The following CTNNA3 variants were observed in gnomAD, a reference collection of about 807,000 sequenced individuals.
CTNNA3 encodes the protein catenin alpha-3.
CTNNA3 carries 76 observed loss-of-function variants against 95.7 expected under a neutral mutation model. The ratio of observed to expected loss-of-function variants is 0.79; its 90% CI spans 0.66 to 0.96. The LOEUF is 0.96. CTNNA3 is among the 40% of genes least tolerant of loss of function. The pLI, the probability that CTNNA3 is intolerant of heterozygous loss-of-function variation, is 0.00. For missense variants in CTNNA3, 1,191 were observed against 1,089.8 expected (o/e 1.09, Z -1.31); for synonymous variants, 431 against 374.4 (o/e 1.15, Z -1.74).
intron 10 of CTNNA3, among the ~76,000 whole-genome samples, chr10:66,604,729 T>C (rs1350745160): frequency 1.3e-5 from 2 of 150,788 alleles, no homozygotes; most frequent in Admixed American, 1.3e-4. Context: ...ACAAAGCCAG[T>C]TGGCAGAATT....
intron 4 of CTNNA3, among the ~76,000 whole-genome samples, chr10:67,536,283 G>A (rs1450341941): frequency 6.6e-6 from 1 of 152,044 alleles, no homozygotes; most frequent in African/African-American, 2.4e-5. Flanking sequence ...TTGATTCTGT[G>A]TTGCTCCAGA....
intron 1 of CTNNA3, among the ~76,000 whole-genome samples, chr10:67,763,275 A>T (rs866755993): frequency 1.6e-3 from 27 of 16,854 alleles, no homozygotes; most frequent in Middle Eastern, 0.056. Flanking sequence ...CCAAAATTTA[A>T]AAAAAAAAAA....
intron 6 of CTNNA3, among the ~76,000 whole-genome samples, chr10:67,185,281 CCA>C (rs1214322644): frequency 6.6e-6 from 1 of 152,026 alleles, no homozygotes; most frequent in East Asian, 1.9e-4. Context: ...GTACACGTCA[CCA>C]CATCCAGCTA....
Position 66,445,096 on chromosome 10 carries a change from G to T in CTNNA3, c.1532-65744C>A, listed in dbSNP as rs190344018. Among the ~76,000 whole-genome samples the T allele has an allele frequency of 6.8e-3, 1,038 of 152,144 alleles. 9 individuals carry two copies. Among genetic ancestry groups the T allele is most frequent in the African/African-American group, 0.024 (988 of 41,480 alleles). On this transcript the variant is annotated intron_variant, in intron 11 of 17. Coordinates refer to ENST00000433211, the MANE Select transcript of CTNNA3 (RefSeq NM_013266.4). Reference sequence around the variant, plus strand: ...AAGAAGGCCATTACATAATGGTAAAGGAATCAATTCAACAAGAAGAGCTAA... The same window carrying T: ...AAGAAGGCCATTACATAATGGTAAATGAATCAATTCAACAAGAAGAGCTAA...
At chr10:65,992,854 G>GT (rs1229821901) in intron 15 of CTNNA3, among the ~76,000 whole-genome samples, 3 of 151,980 alleles carry the variant, frequency 2.0e-5, no homozygotes, top group African/African-American at 7.2e-5. Flanking sequence ...AAACTTTCTA[G>GT]TTTTTTATAG....
chr10:67,149,489 G>A (rs1476588956), intron 7 of CTNNA3, among the ~76,000 whole-genome samples: 1 of 152,176 alleles, frequency 6.6e-6, no homozygotes, highest in Non-Finnish European at 1.5e-5. Context: ...GGAGGCTGAG[G>A]CAGGAAAATG....
At chr10:66,681,345 A>G (rs1231844515) in intron 9 of CTNNA3, among the ~76,000 whole-genome samples, 3 of 152,180 alleles carry the variant, frequency 2.0e-5, no homozygotes, top group Non-Finnish European at 2.9e-5. Context: ...TGGCAGCTCA[A>G]AATTCCAACA....
At chr10:66,408,271 C>A (rs1198868194) in intron 11 of CTNNA3, among the ~76,000 whole-genome samples, 1 of 152,126 alleles carries the variant, frequency 6.6e-6, no homozygotes, top group Non-Finnish European at 1.5e-5. Flanking sequence ...ATGTGGAAAT[C>A]CAGTTGTACC....
intron 5 of CTNNA3, among the ~76,000 whole-genome samples, chr10:67,227,781 G>T (rs984545557): frequency 6.6e-6 from 1 of 152,078 alleles, no homozygotes; most frequent in African/African-American, 2.4e-5. Context: ...CTCCAAGACA[G>T]ACTATATGAT....
intron 9 of CTNNA3, among the ~76,000 whole-genome samples, chr10:66,714,307 A>G (rs1031796896): frequency 7.2e-5 from 11 of 152,138 alleles, no homozygotes; most frequent in African/African-American, 9.7e-5. Flanking sequence ...GCCAATGACT[A>G]CAATTAAAAT....
At chr10:66,236,943 T>A (rs1033010727) in intron 13 of CTNNA3, among the ~76,000 whole-genome samples, 1 of 148,156 alleles carries the variant, frequency 6.7e-6, no homozygotes, top group South Asian at 2.2e-4. Context: ...AGTGAGGCCA[T>A]GTCTCCACTA....
intron 7 of CTNNA3, among the ~76,000 whole-genome samples, chr10:66,919,361 T>C (rs2132593552): frequency 6.6e-6 from 1 of 152,246 alleles, no homozygotes; most frequent in African/African-American, 2.4e-5. Context: ...TTCCTTGAAG[T>C]CATATAGTCT....
At chr10:66,159,876 G>A (rs558328894) in intron 13 of CTNNA3, among the ~76,000 whole-genome samples, 4 of 151,538 alleles carry the variant, frequency 2.6e-5, no homozygotes, top group South Asian at 2.1e-4. Context: ...GTCTGCTCAG[G>A]GTATCTAATT....
rs562100531 is a variant in CTNNA3, at chr10:66,932,242, T to C, written c.1048-156718A>G. Among the ~76,000 whole-genome samples, 9 of 152,318 alleles carry C rather than the reference T, an allele frequency of 5.9e-5. No individual in the cohort carries two copies. In the South Asian group the frequency reaches 1.9e-3, roughly 32 times the overall value. On this transcript the variant is annotated intron_variant, in intron 7 of 17. Transcript: ENST00000433211. ...TGGGGAAGGATAATGCAGAGTCAGA[T>C]TCATGGATTTGGCAAGAGGTTTTAG...
At chr10:67,690,967 A>G (rs1401791846) in intron 1 of CTNNA3, among the ~76,000 whole-genome samples, 2 of 152,096 alleles carry the variant, frequency 1.3e-5, no homozygotes, top group Non-Finnish European at 2.9e-5. Flanking sequence ...TACTGCTGCC[A>G]TCTCGGCTCA....
chr10:66,232,583 A>T lies in CTNNA3; in HGVS notation c.1884+47887T>A, dbSNP rs540803691. ...ATTTAAAAAATAATTTTAAAATTTA[A>T]GTAGAAAAGATCCAGAAATGACCAA... On this transcript the variant is annotated intron_variant, in intron 13 of 17. Transcript: ENST00000433211. 3.3e-5 allele frequency among the ~76,000 whole-genome samples: 5 copies of T among 152,290 alleles called. No individual in the cohort carries two copies. The East Asian group carries it at 9.7e-4, about 29-fold the overall frequency.
At chr10:66,969,823 A>T (rs1323968611) in intron 7 of CTNNA3, among the ~76,000 whole-genome samples, 1 of 152,108 alleles carries the variant, frequency 6.6e-6, no homozygotes, top group Non-Finnish European at 1.5e-5. Flanking sequence ...AACATTCATA[A>T]GGCTTCCTGA....
chr10:66,684,022 G>C (rs1213509890), intron 9 of CTNNA3, among the ~76,000 whole-genome samples: 3 of 152,178 alleles, frequency 2.0e-5, no homozygotes, highest in Non-Finnish European at 4.4e-5. Context: ...GGGGCTGGAG[G>C]TGTGAGACAT....
intron 3 of CTNNA3, among the ~76,000 whole-genome samples, chr10:67,560,180 A>C (rs1294756324): frequency 6.6e-6 from 1 of 152,126 alleles, no homozygotes; most frequent in Non-Finnish European, 1.5e-5. Context: ...CAAGACACAT[A>C]ATTGTTAGAT....
Sources: gnomAD v4.1 joint callset for allele counts (sites outside exome capture counted in the v4.1 genomes callset) on GRCh38, gnomAD v4.1.1 for gene constraint, MANE v1.5 for transcripts, NCBI Gene and HGNC (gene_info 2026-07-23, HGNC 2026-07-21) for gene names.